PTPRG: variants seen among roughly 807,000 people sequenced by gnomAD.
PTPRG encodes receptor-type tyrosine-protein phosphatase gamma.
PTPRG carries 102 observed loss-of-function variants against 165.3 expected under a neutral mutation model. The ratio of observed to expected loss-of-function variants is 0.62; its 90% CI spans 0.53 to 0.73. The LOEUF is 0.73. Among genes scored for constraint, PTPRG ranks in the 30% least tolerant of loss-of-function variants. PTPRG has a pLI of 0.00. For synonymous variants in PTPRG, 675 were observed against 669.5 expected (o/e 1.01, Z -0.13); for missense variants, 1,866 against 1,861.4 (o/e 1.00, Z -0.05).
intron 1 of PTPRG, among the ~76,000 whole-genome samples, chr3:61,701,331 T>G (rs2030944897): frequency 6.6e-6 from 1 of 152,154 alleles, no homozygotes; most frequent in South Asian, 2.1e-4. Flanking sequence ...CTCAATATCA[T>G]GTTGGATGCA....
intron 8 of PTPRG, among the ~76,000 whole-genome samples, chr3:62,186,066 A>G (rs113740994): frequency 0.016 from 2,435 of 152,336 alleles, 37 homozygotes; most frequent in Middle Eastern, 0.044. Flanking sequence ...AGCACAAGGC[A>G]CAGTGGTGTC....
chr3:62,170,614 C>T (rs1576091350), intron 8 of PTPRG, among the ~76,000 whole-genome samples: 1 of 152,302 alleles, frequency 6.6e-6, no homozygotes, highest in East Asian at 1.9e-4. Flanking sequence ...ACCACAACCA[C>T]AGAACCATCC....
chr3:62,124,340 T>C, intron 5 of PTPRG: 1 of 1,612,296 alleles, frequency 6.2e-7, no homozygotes, highest in South Asian at 1.1e-5. Flanking sequence ...GGGTCTCTGG[T>C]GATGCAGGCT....
chr3:61,704,063 G>T (rs2031120646), intron 1 of PTPRG, among the ~76,000 whole-genome samples: 1 of 152,196 alleles, frequency 6.6e-6, no homozygotes, highest in African/African-American at 2.4e-5. Context: ...AGGATTTACA[G>T]TAGGGATAGG....
chr3:61,564,247 CAG>C (rs1699848911), intron 1 of PTPRG, among the ~76,000 whole-genome samples: 2 of 152,238 alleles, frequency 1.3e-5, no homozygotes, highest in Non-Finnish European at 2.9e-5. Flanking sequence ...CAGGTGCACA[CAG>C]GGGTTGAGCT....
intron 1 of PTPRG, among the ~76,000 whole-genome samples, chr3:61,646,244 C>G (rs1367712435): frequency 6.6e-6 from 1 of 152,030 alleles, no homozygotes; most frequent in Non-Finnish European, 1.5e-5. Flanking sequence ...TAGCTGGGAC[C>G]ATGGGTCCCA....
At chr3:61,690,865 T>A (rs2030151194) in intron 1 of PTPRG, among the ~76,000 whole-genome samples, 1 of 152,192 alleles carries the variant, frequency 6.6e-6, no homozygotes. Context: ...CTAGACAATT[T>A]TAGATCTCAG....
intron 1 of PTPRG, among the ~76,000 whole-genome samples, chr3:61,664,208 C>A (rs950502420): frequency 2.6e-5 from 4 of 152,138 alleles, no homozygotes; most frequent in Admixed American, 2.6e-4. Context: ...GCCAAGTTCC[C>A]ACTCTACATG....
rs1371506798 is a variant in PTPRG at position 62,003,347 on chromosome 3, A to G, written c.371-2A>G. On this transcript the variant is annotated splice_acceptor_variant, in intron 3 of 29. Transcript: ENST00000474889. LOFTEE classifies it high-confidence loss of function. ...TCCTCTCTTCTCATTTGTTTCACAC[A>G]GTCGCCATCCTTCTGAAAGACGACT... The G allele has an allele frequency of 6.2e-7, 1 of 1,610,994 alleles. No homozygotes were observed. Among genetic ancestry groups the G allele is most frequent in the African/African-American group, 1.3e-5 (1 of 74,852 alleles).
intron 5 of PTPRG, among the ~76,000 whole-genome samples, chr3:62,081,224 A>T (rs957304053): frequency 4.0e-5 from 6 of 150,124 alleles, no homozygotes; most frequent in Non-Finnish European, 8.8e-5. Flanking sequence ...GCCATTGCAC[A>T]CCAGCCTGGG....
chr3:61,941,995 C>T (rs1480714319), intron 2 of PTPRG, among the ~76,000 whole-genome samples: 1 of 151,574 alleles, frequency 6.6e-6, no homozygotes, highest in East Asian at 1.9e-4. Context: ...CCTGTCTCTA[C>T]TAAAAATACA....
At chr3:61,575,889 T>C (rs1434569750) in intron 1 of PTPRG, among the ~76,000 whole-genome samples, 1 of 152,192 alleles carries the variant, frequency 6.6e-6, no homozygotes, top group African/African-American at 2.4e-5. Context: ...GGAGCTGATA[T>C]TATAGACATG....
At chr3:61,621,857 C>T (rs1413482142) in intron 1 of PTPRG, among the ~76,000 whole-genome samples, 1 of 152,090 alleles carries the variant, frequency 6.6e-6, no homozygotes, top group East Asian at 1.9e-4. Context: ...GAGATCGTTG[C>T]TAATGTATGT....
intron 5 of PTPRG, among the ~76,000 whole-genome samples, chr3:62,102,014 T>C (rs753931227): frequency 1.1e-4 from 17 of 152,164 alleles, no homozygotes; most frequent in Admixed American, 5.2e-4. Flanking sequence ...CCTACTTTGA[T>C]TGGCATTCCT....
intron 1 of PTPRG, among the ~76,000 whole-genome samples, chr3:61,744,175 A>T (rs904437748): frequency 2.0e-5 from 3 of 152,190 alleles, no homozygotes; most frequent in African/African-American, 4.8e-5. Context: ...AATATACTCT[A>T]TATATACTTT....
chr3:61,851,933 A>G (rs1194582267), intron 2 of PTPRG, among the ~76,000 whole-genome samples: 1 of 152,146 alleles, frequency 6.6e-6, no homozygotes, highest in Non-Finnish European at 1.5e-5. Context: ...GATTATAGCT[A>G]TCTAGATTGG....
rs77439676 is a variant in PTPRG at position 62,214,313 on chromosome 3, C to T, written c.2156-4538C>T. Among the ~76,000 whole-genome samples the T allele has an allele frequency of 6.6e-6, 1 of 152,030 alleles. No homozygotes were observed. Among genetic ancestry groups the T allele is most frequent in the African/African-American group, 2.4e-5 (1 of 41,396 alleles). ...AATGATGCTGTTGCTAGGATGGTGGCGGGTGATGGTGTTGCCGAAGCTGGG... is the reference window on the plus strand; with the variant it reads ...AATGATGCTGTTGCTAGGATGGTGGTGGGTGATGGTGTTGCCGAAGCTGGG... On this transcript the variant is annotated intron_variant, in intron 12 of 29. Coordinates refer to ENST00000474889, the MANE Select transcript of PTPRG (RefSeq NM_002841.4). This position sits in a 1 kb window ranked among gnomAD's most constrained non-coding sequence, Gnocchi z 5.2.
chr3:62,104,889 G>A (rs1221866069), intron 5 of PTPRG, among the ~76,000 whole-genome samples: 3 of 151,964 alleles, frequency 2.0e-5, no homozygotes, highest in Non-Finnish European at 4.4e-5. Flanking sequence ...TAGAACTATT[G>A]CATTGAAAAA....
chr3:61,862,140 G>A (rs933143523), intron 2 of PTPRG, among the ~76,000 whole-genome samples: 8 of 152,092 alleles, frequency 5.3e-5, no homozygotes, highest in African/African-American at 1.9e-4. Flanking sequence ...ACAGGAGCGC[G>A]AACCCTGTTG....
Sources: gnomAD v4.1 joint callset for allele counts (sites outside exome capture counted in the v4.1 genomes callset) on GRCh38, gnomAD v4.1.1 for gene constraint, Gnocchi (gnomAD v3.1) non-coding constraint, MANE v1.5 for transcripts, NCBI Gene and HGNC (gene_info 2026-07-23, HGNC 2026-07-21) for gene names.